Variants in DGLUCY observed in about 807,000 individuals in gnomAD.
DGLUCY encodes the protein D-glutamate cyclase, mitochondrial.
Under a neutral mutation model 58.5 loss-of-function variants are expected in DGLUCY, and 58 were observed. The observed-to-expected ratio is 0.99, with a 90% CI of 0.80 to 1.23. The LOEUF (loss-of-function observed/expected upper bound fraction) is 1.23. DGLUCY is among the 50% of genes most tolerant of loss of function. DGLUCY has a pLI of 0.00. For missense variants in DGLUCY, 779 were observed against 784.7 expected, an observed-to-expected ratio of 0.99 and a Z score of 0.09; for synonymous variants, 325 against 314.1, an observed-to-expected ratio of 1.03 and a Z score of -0.37.
chr14:91,131,877 A>G (rs1024200487), intron 1 of DGLUCY, among the ~76,000 whole-genome samples: 10 of 151,952 alleles, frequency 6.6e-5, no homozygotes, highest in African/African-American at 2.2e-4. Context: ...GCTCACTGCA[A>G]CCTCTGCCTG....
intron 13 of DGLUCY, chr14:91,216,104 G>A (rs912058947): frequency 2.7e-5 from 6 of 222,440 alleles, no homozygotes; most frequent in Admixed American, 1.6e-4. Flanking sequence ...CGGGAGGAAT[G>A]GGGGGAGCAG....
At chr14:91,148,227 C>T (rs577780414) in intron 1 of DGLUCY, among the ~76,000 whole-genome samples, 24 of 150,902 alleles carry the variant, frequency 1.6e-4, no homozygotes, top group African/African-American at 5.6e-4. Context: ...TTTCTTGAGA[C>T]AGGATCTCTC....
chr14:91,208,579 T>C (rs1198495304), intron 12 of DGLUCY, among the ~76,000 whole-genome samples: 1 of 152,062 alleles, frequency 6.6e-6, no homozygotes, highest in African/African-American at 2.4e-5. Flanking sequence ...GGAAACCCCA[T>C]CTCTACAAAA....
intron 1 of DGLUCY, among the ~76,000 whole-genome samples, chr14:91,086,338 A>G (rs777955419): frequency 3.3e-5 from 5 of 152,220 alleles, no homozygotes; most frequent in South Asian, 2.1e-4. Flanking sequence ...TGCCTGGTCC[A>G]TGGAAAAATG....
At chr14:91,076,271 C>T (rs1057510883) in intron 1 of DGLUCY, among the ~76,000 whole-genome samples, 1 of 152,048 alleles carries the variant, frequency 6.6e-6, no homozygotes, top group Non-Finnish European at 1.5e-5. Flanking sequence ...TACTCAAGTT[C>T]GTAGCATCTG....
chr14:91,124,611 C>T (rs2045569042), intron 1 of DGLUCY, among the ~76,000 whole-genome samples: 1 of 152,218 alleles, frequency 6.6e-6, no homozygotes, highest in Non-Finnish European at 1.5e-5. Context: ...GGTTGTAACT[C>T]ACTCTGATTC....
At chr14:91,139,206 C>T (rs757975620) in intron 1 of DGLUCY, among the ~76,000 whole-genome samples, 2 of 152,134 alleles carry the variant, frequency 1.3e-5, no homozygotes, top group East Asian at 1.9e-4. Context: ...AGTACAGGGA[C>T]AGGAAAAGGC....
At chr14:91,089,928 T>C (rs933328903) in intron 1 of DGLUCY, among the ~76,000 whole-genome samples, 12 of 152,124 alleles carry the variant, frequency 7.9e-5, no homozygotes, top group African/African-American at 2.7e-4. Flanking sequence ...GTAATTACTC[T>C]GGGACAACAG....
chr14:91,103,452 G>T (rs567368403), upstream of DGLUCY, among the ~76,000 whole-genome samples: 193 of 152,196 alleles, frequency 1.3e-3, 2 homozygotes, highest in Non-Finnish European at 2.2e-4. Flanking sequence ...TCGCAGGCTT[G>T]GCTGGGAAAA....
At chr14:91,156,809 G>T (rs1262456770) in intron 1 of DGLUCY, among the ~76,000 whole-genome samples, 2 of 152,200 alleles carry the variant, frequency 1.3e-5, no homozygotes, top group East Asian at 3.8e-4. Flanking sequence ...CGGAAAACAA[G>T]ATACCTGGGC....
intron 3 of DGLUCY, among the ~76,000 whole-genome samples, chr14:91,160,818 TG>T (rs1405563382): frequency 6.6e-6 from 1 of 152,184 alleles, no homozygotes; most frequent in African/African-American, 2.4e-5. Flanking sequence ...TACTGTCTCC[TG>T]GGAGTGATAC....
At chr14:91,178,308 G>T (rs2048979360) in intron 7 of DGLUCY, among the ~76,000 whole-genome samples, 1 of 152,066 alleles carries the variant, frequency 6.6e-6, no homozygotes, top group Admixed American at 6.6e-5. Flanking sequence ...TGGACTACAG[G>T]TATGCACCAT....
At chr14:91,068,079 G>GCGCGCACACACACA (rs375738080) in intron 1 of DGLUCY, among the ~76,000 whole-genome samples, 51 of 146,436 alleles carry the variant, frequency 3.5e-4, no homozygotes, top group Non-Finnish European at 5.7e-4. Flanking sequence ...ACACGCGCAC[G>GCGCGCACACACACA]CACACACACA....
At chr14:91,150,281 C>T (rs2140297798) in intron 1 of DGLUCY, among the ~76,000 whole-genome samples, 1 of 150,596 alleles carries the variant, frequency 6.6e-6, no homozygotes, top group East Asian at 1.9e-4. Flanking sequence ...ACAAAACCTT[C>T]CTTTCCCAAT....
chr14:91,181,312 C>T lies in DGLUCY; in HGVS notation c.857C>T (p.Pro286Leu), dbSNP rs749972464. ...GAGGTCCATCACATTTCCCAAGATC[C>T]TCTGCACTACAGCATCGCGTCAGTC... ...IPEVHHISQD[P>L]LHYSIASVSA... The change falls in exon 8 of 14, where the codon CCT becomes CTT. Residue 286 changes from proline (P) to leucine (L), a missense_variant. Coordinates refer to ENST00000256324, the MANE Select transcript of DGLUCY (RefSeq NM_001102368.3). 3 of 1,614,202 alleles carry T rather than the reference C, an allele frequency of 1.9e-6. No homozygotes were observed.
chr14:91,162,582 T>C (rs956235319), intron 3 of DGLUCY, among the ~76,000 whole-genome samples: 1 of 151,790 alleles, frequency 6.6e-6, no homozygotes, highest in Non-Finnish European at 1.5e-5. Flanking sequence ...AAACAAAACC[T>C]GCAAAGTTCA....
upstream of DGLUCY, among the ~76,000 whole-genome samples, chr14:91,113,169 G>A (rs1276734032): frequency 1.3e-5 from 2 of 151,918 alleles, no homozygotes; most frequent in Non-Finnish European, 2.9e-5. Context: ...GCGTGGTGGC[G>A]CACACCTGTA....
chr14:91,129,505 GC>G (rs1319374042), intron 1 of DGLUCY, among the ~76,000 whole-genome samples: 1 of 151,880 alleles, frequency 6.6e-6, no homozygotes, highest in Non-Finnish European at 1.5e-5. Context: ...AGAGGCTGTG[GC>G]AGGAGGGTTG....
At chr14:91,186,847 A>T (rs1373473278) in intron 8 of DGLUCY, among the ~76,000 whole-genome samples, 1 of 151,810 alleles carries the variant, frequency 6.6e-6, no homozygotes, top group Admixed American at 6.6e-5. Context: ...ACTACCTCCC[A>T]TTCTCCATGT....
Sources: allele counts gnomAD v4.1 joint callset (sites outside exome capture counted in the v4.1 genomes callset), GRCh38; gene constraint gnomAD v4.1.1; transcripts MANE v1.5; gene names NCBI Gene and HGNC (gene_info 2026-07-23, HGNC 2026-07-21).